GATA6: variants seen among roughly 807,000 people sequenced by gnomAD.
GATA6 encodes the protein GATA binding protein 6, also known as transcription factor GATA-6.
A neutral mutation model predicts 48.1 loss-of-function variants in GATA6; 11 were observed. That is an observed-to-expected ratio of 0.23 (90% CI 0.14 to 0.38). GATA6 has a LOEUF of 0.38. GATA6 is among the 10% of genes least tolerant of loss of function. The probability of loss-of-function intolerance (pLI) is 1.00; values close to 1 mark genes in which losing one functional copy is unlikely to be tolerated. For synonymous variants in GATA6, 419 were observed against 396.1 expected (o/e 1.06, Z -0.69); for missense variants, 795 against 850.3 (o/e 0.93, Z 0.81).
Position 22,171,285 on chromosome 18 carries a change from C to CCGGGGCGGAGAG in GATA6, c.148_159dup (p.Gly50_Gly53dup). 6.3e-7 allele frequency: 1 copy of CCGGGGCGGAGAG among 1,594,510 alleles called. No homozygotes were observed. Among genetic ancestry groups the CCGGGGCGGAGAG allele is most frequent in the Admixed American group, 1.7e-5 (1 of 59,824 alleles). On this transcript the variant is annotated inframe_insertion, in exon 2 of 7. Transcript: ENST00000269216. This position sits in a 1 kb window ranked among gnomAD's most constrained non-coding sequence, Gnocchi z 7.1. The stretch of plus-strand genomic sequence containing the variant: ...TCTCTTCCTCGTCCTCCTCCTGCTC[C>CCGGGGCGGAGAG]CGGGGCGGAGAGCGGGGCCCCGGCG...
In GATA6 at chr18:22,181,450, T is replaced by C. The variant is rs748598507; in HGVS notation, c.1303-3T>C. 4 of 1,614,206 alleles carry C rather than the reference T, an allele frequency of 2.5e-6. No individual in the cohort carries two copies. Among genetic ancestry groups the C allele is most frequent in the East Asian group, 4.5e-5 (2 of 44,882 alleles). On this transcript the variant is annotated splice_polypyrimidine_tract_variant and splice_region_variant and intron_variant, in intron 3 of 6. Transcript: ENST00000269216. ...TCCACTTATGTTCTTGTACTGTTTC[T>C]AGCCTTCATCACGGCGGCTTGGATT...
chr18:22,171,394 G>A lies in GATA6; in HGVS notation c.250G>A (p.Ala84Thr). ...PARSLLLSSY[A>T]SHPFGAPHGP... ...CCGCTCGCTGCTGCTCAGTTCCTACGCTTCGCATCCCTTCGGGGCTCCCCA... is the reference window on the plus strand; with the variant it reads ...CCGCTCGCTGCTGCTCAGTTCCTACACTTCGCATCCCTTCGGGGCTCCCCA... Residue 84 changes from alanine (A) to threonine (T), a missense_variant, in exon 2 of 7, where the codon GCT becomes ACT. Transcript: ENST00000269216. The surrounding 1 kb of genome is among the most constrained non-coding windows in gnomAD (Gnocchi z 7.1). 6.3e-7 allele frequency: 1 copy of A among 1,588,406 alleles called. No individual in the cohort carries two copies. The highest frequency in any genetic ancestry group is 8.5e-7 in the Non-Finnish European group (1 of 1,175,070).
Position 22,185,364 on chromosome 18 carries a change from C to A in GATA6, c.1620+2321C>A, listed in dbSNP as rs906347430. On this transcript the variant is annotated intron_variant, in intron 6 of 6. Transcript: ENST00000269216. The surrounding 1 kb of genome is among the most constrained non-coding windows in gnomAD (Gnocchi z 4.3). ...GAGTACTAGTTTCACACCAGGTCTT[C>A]AGCTGCAAGCTTCCATCCCTGCGGT... 2.0e-5 allele frequency among the ~76,000 whole-genome samples: 3 copies of A among 152,244 alleles called. No homozygotes were observed. The highest frequency in any genetic ancestry group is 2.9e-5 in the Non-Finnish European group (2 of 68,050).
chr18:22,170,725 C>G lies in GATA6; in HGVS notation c.-37-383C>G, dbSNP rs947405651. 1.3e-5 allele frequency among the ~76,000 whole-genome samples: 2 copies of G among 152,124 alleles called. No homozygotes were observed. Among genetic ancestry groups the G allele is most frequent in the South Asian group, 4.1e-4 (2 of 4,822 alleles). ...CTTAAATTCTTTTGTGTGTCATCAG[C>G]CCGGGGGAGACACTTTAGGGCGGAA... On this transcript the variant is annotated intron_variant, in intron 1 of 6. Transcript: ENST00000269216. This position sits in a 1 kb window ranked among gnomAD's most constrained non-coding sequence, Gnocchi z 6.7.
At chr18:22,177,650 T>C (rs1394060305) in intron 3 of GATA6, among the ~76,000 whole-genome samples, 3 of 152,064 alleles carry the variant, frequency 2.0e-5, no homozygotes, top group African/African-American at 4.8e-5. Context: ...TGCTCACTTA[T>C]ACCATTCGTC....
rs1291923956 is a variant in GATA6, at chr18:22,172,105, G to A, written c.961G>A (p.Gly321Arg). The A allele has an allele frequency of 1.3e-6, 2 of 1,492,412 alleles. No individual in the cohort carries two copies. Among genetic ancestry groups the A allele is most frequent in the Non-Finnish European group, 1.8e-6 (2 of 1,126,326 alleles). 92.4% of individuals were successfully genotyped at this position (1,492,412 alleles called of 1,614,324 possible). A position where few individuals can be genotyped will look rare whatever the true frequency, so the allele number is the denominator to read the frequency against. ...GCTGTCGGCCGCGCGGCCGCTGAAC[G>A]GGACGTACCACCACCACCACCACCA... The part of the protein sequence containing the change: ...SSLSAARPLN[G>R]TYHHHHHHHH... Residue 321 changes from glycine to arginine, a missense_variant, in exon 2 of 7, where the codon GGG becomes AGG. Coordinates refer to ENST00000269216, the MANE Select transcript of GATA6 (RefSeq NM_005257.6). This position sits in a 1 kb window ranked among gnomAD's most constrained non-coding sequence, Gnocchi z 5.2.
chr18:22,177,093 G>C lies in GATA6; in HGVS notation c.1274G>C (p.Arg425Pro), dbSNP rs1326665806. The C allele has an allele frequency of 6.4e-7, 1 of 1,556,008 alleles. No homozygotes were observed. Residue 425 changes from arginine to proline, a missense_variant, in exon 3 of 7, where the codon CGG becomes CCG. This residue lies in a region of GATA6 where 76 missense variants were observed against 113.1 expected (regional missense o/e 0.67). Coordinates refer to ENST00000269216, the MANE Select transcript of GATA6 (RefSeq NM_005257.6). ...TACAGCAAGATGAACGGCCTCAGCCGGCCCCTCATCAAGCCGCAGAAGCGC... is the reference window on the plus strand; with the variant it reads ...TACAGCAAGATGAACGGCCTCAGCCCGCCCCTCATCAAGCCGCAGAAGCGC... ...GLYSKMNGLS[R>P]PLIKPQKRVP... is the part of the protein sequence containing the mutation.
At chr18:22,173,215 G>A (rs780943860) in intron 2 of GATA6, among the ~76,000 whole-genome samples, 1 of 152,228 alleles carries the variant, frequency 6.6e-6, no homozygotes, top group Non-Finnish European at 1.5e-5. Flanking sequence ...TGGGAGCCCT[G>A]TTAGGCTGTT....
At chr18:22,188,169 G>A (rs553049800) in intron 6 of GATA6, among the ~76,000 whole-genome samples, 39 of 152,282 alleles carry the variant, frequency 2.6e-4, no homozygotes, top group African/African-American at 9.1e-4. Flanking sequence ...TAAACATAAA[G>A]TGTTGAAGTT....
chr18:22,189,961 G>A (rs1046772324), intron 6 of GATA6, among the ~76,000 whole-genome samples: 5 of 152,184 alleles, frequency 3.3e-5, no homozygotes, highest in Non-Finnish European at 2.9e-5. Flanking sequence ...GTGGTTTCAC[G>A]TTGGCCGCAG....
intron 3 of GATA6, among the ~76,000 whole-genome samples, chr18:22,177,777 A>G (rs993988584): frequency 6.6e-6 from 1 of 151,990 alleles, no homozygotes; most frequent in African/African-American, 2.4e-5. Flanking sequence ...TCTTATCCTC[A>G]GGTGTATCCC....
intron 6 of GATA6, among the ~76,000 whole-genome samples, chr18:22,197,337 C>T (rs1289332809): frequency 2.0e-5 from 3 of 152,170 alleles, no homozygotes; most frequent in Non-Finnish European, 4.4e-5. Context: ...CAGGCGTGGG[C>T]CACCGCGCCT....
At chr18:22,181,173 A>G (rs1289164106) in intron 3 of GATA6, among the ~76,000 whole-genome samples, 1 of 152,150 alleles carries the variant, frequency 6.6e-6, no homozygotes, top group Non-Finnish European at 1.5e-5. Flanking sequence ...TTATTGGCCA[A>G]CTATATGACT....
At chr18:22,192,535 C>T (rs1368351767) in intron 6 of GATA6, among the ~76,000 whole-genome samples, 1 of 152,090 alleles carries the variant, frequency 6.6e-6, no homozygotes, top group African/African-American at 2.4e-5. Context: ...TAGTACTTTC[C>T]TAATGCTTTT....
intron 6 of GATA6, among the ~76,000 whole-genome samples, chr18:22,196,828 T>C (rs2033396463): frequency 6.6e-6 from 1 of 152,170 alleles, no homozygotes; most frequent in Admixed American, 6.5e-5. Context: ...TGCGAAGAAC[T>C]GTCAGTGACA....
intron 6 of GATA6, 27 bp downstream of exon 6, chr18:22,183,070 T>C: frequency 4.6e-6 from 7 of 1,520,994 alleles, no homozygotes; most frequent in South Asian, 1.1e-5. Flanking sequence ...CATAGACTCC[T>C]AAATTACTGG....
chr18:22,199,985 G>T (rs1309283516), intron 6 of GATA6, among the ~76,000 whole-genome samples: 1 of 151,690 alleles, frequency 6.6e-6, no homozygotes, highest in Non-Finnish European at 1.5e-5. Flanking sequence ...TTATAACGTG[G>T]TCTGCTTCAG....
chr18:22,200,503 C>T (rs2033446077), intron 6 of GATA6, 153 bp from the exon 7 acceptor site: 3 of 933,394 alleles, frequency 3.2e-6, no homozygotes, highest in Non-Finnish European at 5.3e-6. Context: ...GGGATAGTAA[C>T]GCCGGCTTCA....
chr18:22,193,833 A>G (rs2033355898), intron 6 of GATA6, among the ~76,000 whole-genome samples: 1 of 152,156 alleles, frequency 6.6e-6, no homozygotes, highest in Admixed American at 6.5e-5. Flanking sequence ...TATGCATGTA[A>G]TCCACAAGCC....
Sources: gnomAD v4.1 joint callset for allele counts (sites outside exome capture counted in the v4.1 genomes callset) on GRCh38, gnomAD v4.1.1 for gene constraint, gnomAD v4.1.1 regional missense constraint, Gnocchi (gnomAD v3.1) non-coding constraint, MANE v1.5 for transcripts, NCBI Gene and HGNC (gene_info 2026-07-23, HGNC 2026-07-21) for gene names.